Variants in NAV3 observed in about 807,000 individuals in gnomAD.
NAV3 encodes neuron navigator 3, also known as pore membrane and/or filament interacting like protein 1.
NAV3 carries 87 observed loss-of-function variants against 244.7 expected under a neutral mutation model. The observed-to-expected ratio is 0.36, with a 90% confidence interval of 0.30 to 0.42. NAV3 has a LOEUF of 0.42. NAV3 is among the 20% of genes least tolerant of loss of function. The pLI, the probability that NAV3 is intolerant of heterozygous loss-of-function variation, is 1.00. For missense variants in NAV3, 2,663 were observed against 2,893.3 expected, an observed-to-expected ratio of 0.92 and a Z score of 1.83; for synonymous variants, 1,126 against 1,042.2, an observed-to-expected ratio of 1.08 and a Z score of -1.55.
chr12:77,710,628 G>A (rs1283051557), intron 2 of NAV3, among the ~76,000 whole-genome samples: 1 of 152,046 alleles, frequency 6.6e-6, no homozygotes, highest in Non-Finnish European at 1.5e-5. Context: ...TATTTAATTA[G>A]CATATCAATA....
Position 77,927,178 on chromosome 12 carries a change from A to G in NAV3, c.244-13141A>G, listed in dbSNP as rs117830392. Among the ~76,000 whole-genome samples, 1,511 of 152,352 alleles carry G rather than the reference A, an allele frequency of 9.9e-3. 19 individuals are homozygous for G. The highest frequency in any genetic ancestry group is 0.016 in the Non-Finnish European group (1,089 of 68,032). ...TGTTTTTTAAAACATACTGTGTGGT[A>G]TTAATATTTAGATTTTAGCTAATAT... On this transcript the variant is annotated intron_variant, in intron 1 of 39. Transcript: ENST00000397909.
chr12:78,144,476 C>G (rs868589791), intron 20 of NAV3, among the ~76,000 whole-genome samples: 2 of 151,924 alleles, frequency 1.3e-5, no homozygotes, highest in Non-Finnish European at 2.9e-5. Flanking sequence ...TATTAATATT[C>G]TGGCTCATTG....
chr12:77,820,218 A>G (rs1872682169), intron 2 of NAV3, among the ~76,000 whole-genome samples: 1 of 152,136 alleles, frequency 6.6e-6, no homozygotes, highest in African/African-American at 2.4e-5. Flanking sequence ...GTTTCTATAT[A>G]TTTCTGAATC....
At chr12:77,821,021 C>T (rs570029980) in intron 2 of NAV3, among the ~76,000 whole-genome samples, 1 of 151,580 alleles carries the variant, frequency 6.6e-6, no homozygotes, top group Non-Finnish European at 1.5e-5. Flanking sequence ...TCTCAATATT[C>T]CTCTCTCTCT....
intron 23 of NAV3, among the ~76,000 whole-genome samples, chr12:78,161,190 G>A (rs1026436819): frequency 6.6e-6 from 1 of 152,088 alleles, no homozygotes; most frequent in Admixed American, 6.6e-5. Flanking sequence ...CTTCTTAAAA[G>A]TGGGGATGAT....
intron 9 of NAV3, among the ~76,000 whole-genome samples, chr12:78,029,075 T>G (rs1180224641): frequency 6.6e-6 from 1 of 152,078 alleles, no homozygotes; most frequent in East Asian, 1.9e-4. Context: ...TGGCACAGCC[T>G]CTGGTCTGCA....
Position 77,845,963 on chromosome 12 carries a change from A to G in NAV3, c.243+14259A>G, listed in dbSNP as rs2136208102. Among the ~76,000 whole-genome samples, 2 of 152,230 alleles carry G rather than the reference A, an allele frequency of 1.3e-5. 1 individual carries two copies. Among genetic ancestry groups the G allele is most frequent in the Middle Eastern group, 6.8e-3 (2 of 294 alleles). On this transcript the variant is annotated intron_variant, in intron 1 of 39. Coordinates refer to ENST00000397909, the MANE Select transcript of NAV3 (RefSeq NM_001024383.2). The stretch of plus-strand genomic sequence containing the variant: ...CCACTGGGCCTGGCTGATTAGTTTA[A>G]TTCTTTAAACATTAAGTGTACCAAA...
intron 1 of NAV3, among the ~76,000 whole-genome samples, chr12:77,874,829 C>T (rs1881611998): frequency 6.6e-6 from 1 of 151,928 alleles, no homozygotes; most frequent in Non-Finnish European, 1.5e-5. Flanking sequence ...AATTAAGCAT[C>T]AGAGACACCT....
intron 2 of NAV3, among the ~76,000 whole-genome samples, chr12:77,607,640 T>C (rs1382483873): frequency 6.6e-6 from 1 of 152,050 alleles, no homozygotes; most frequent in Non-Finnish European, 1.5e-5. Context: ...ACTCAAGTTA[T>C]CTTGTAGAAT....
At chr12:78,206,656 T>C (rs1282478351) in intron 39 of NAV3, among the ~76,000 whole-genome samples, 1 of 152,004 alleles carries the variant, frequency 6.6e-6, no homozygotes, top group East Asian at 1.9e-4. Context: ...AATTCAAGGT[T>C]TTCCCTTCTG....
chr12:78,137,896 C>A (rs1274758039), intron 19 of NAV3, among the ~76,000 whole-genome samples: 1 of 152,016 alleles, frequency 6.6e-6, no homozygotes, highest in Non-Finnish European at 1.5e-5. Context: ...TAATAAATAT[C>A]TTTATAGTTA....
chr12:77,984,650 T>C (rs569631242), intron 5 of NAV3, among the ~76,000 whole-genome samples: 10 of 152,280 alleles, frequency 6.6e-5, no homozygotes, highest in African/African-American at 2.2e-4. Flanking sequence ...CAGCTGGCTG[T>C]AGATTCCTTG....
At chr12:78,170,953 A>T (rs1194248552) in intron 24 of NAV3, among the ~76,000 whole-genome samples, 1 of 151,744 alleles carries the variant, frequency 6.6e-6, no homozygotes, top group African/African-American at 2.4e-5. Context: ...TTCCTGATTT[A>T]CAATAGTAGA....
At chr12:77,960,598 T>C (rs1320206490) in intron 3 of NAV3, among the ~76,000 whole-genome samples, 1 of 148,622 alleles carries the variant, frequency 6.7e-6, no homozygotes, top group East Asian at 1.9e-4. Flanking sequence ...ATATAACATA[T>C]ATGTAATGTA....
At chr12:77,610,703 A>G (rs1592501756) in intron 2 of NAV3, among the ~76,000 whole-genome samples, 1 of 152,074 alleles carries the variant, frequency 6.6e-6, no homozygotes, top group Non-Finnish European at 1.5e-5. Flanking sequence ...TGACTGAACT[A>G]TGAGGCTTTC....
At chr12:78,145,950 T>C (rs1956845994) in intron 20 of NAV3, among the ~76,000 whole-genome samples, 1 of 152,170 alleles carries the variant, frequency 6.6e-6, no homozygotes, top group South Asian at 2.1e-4. Flanking sequence ...AAACCTTGGC[T>C]AGAGGTCTCT....
intron 15 of NAV3, among the ~76,000 whole-genome samples, chr12:78,121,229 T>G (rs2138663516): frequency 6.6e-6 from 1 of 152,358 alleles, no homozygotes; most frequent in Admixed American, 6.5e-5. Context: ...CTGCTTCATT[T>G]ACAAAACTAA....
chr12:77,778,886 TTTG>T (rs574600740), intron 2 of NAV3, among the ~76,000 whole-genome samples: 37 of 152,284 alleles, frequency 2.4e-4, no homozygotes, highest in Admixed American at 2.2e-3. Context: ...GCTGAATCCG[TTTG>T]TTTAGTGATT....
chr12:78,157,357 C>T (rs1957346861), intron 22 of NAV3, among the ~76,000 whole-genome samples: 1 of 150,536 alleles, frequency 6.6e-6, no homozygotes, highest in Non-Finnish European at 1.5e-5. Flanking sequence ...GGAGAGTAAC[C>T]CAGGCAACAG....
Sources: allele counts gnomAD v4.1 joint callset (sites outside exome capture counted in the v4.1 genomes callset), GRCh38; gene constraint gnomAD v4.1.1; transcripts MANE v1.5; gene names NCBI Gene and HGNC (gene_info 2026-07-23, HGNC 2026-07-21).